Variants in SLC25A17 observed in about 807,000 individuals in gnomAD.
SLC25A17 encodes solute carrier family 25 member 17.
A neutral mutation model predicts 38.5 loss-of-function variants in SLC25A17; 26 were observed. The observed-to-expected ratio is 0.68, with a 90% CI of 0.50 to 0.94. The LOEUF is 0.94. Ranked by LOEUF, SLC25A17 falls within the 40% of genes least tolerant of loss-of-function variation. The probability of loss-of-function intolerance (pLI) is 0.00; values close to 1 mark genes in which losing one functional copy is unlikely to be tolerated. For missense variants in SLC25A17, 333 were observed against 372.7 expected (o/e 0.89, Z 0.88); for synonymous variants, 139 against 136.2 (o/e 1.02, Z -0.14).
At position 40,779,039 on chromosome 22, in the gene SLC25A17, T is replaced by C; in HGVS notation, c.421A>G (p.Ile141Val). The change falls in exon 5 of 9, where the codon ATT (isoleucine) becomes GTT (valine). Residue 141 changes from isoleucine to valine, a missense_variant. By Grantham distance (29) the Ile-to-Val change is conservative (BLOSUM62 3). Coordinates refer to ENST00000435456, the MANE Select transcript of SLC25A17 (RefSeq NM_006358.4). ...LQGAKFRNEDIVPTNYKGIID... is the reference protein window; with the variant it reads ...LQGAKFRNEDVVPTNYKGIID... ...ATACCTTTGTAGTTTGTTGGTACAATGTCTTCATTCCTAAATTTTGCTCCT... is the reference window on the plus strand; with the variant it reads ...ATACCTTTGTAGTTTGTTGGTACAACGTCTTCATTCCTAAATTTTGCTCCT... The C allele has an allele frequency of 1.9e-6, 3 of 1,614,144 alleles. No individual in the cohort carries two copies. Among genetic ancestry groups the C allele is most frequent in the Non-Finnish European group, 2.5e-6 (3 of 1,179,988 alleles).
intron 4 of SLC25A17, among the ~76,000 whole-genome samples, chr22:40,780,866 A>G (rs1378024180): frequency 6.6e-6 from 1 of 152,176 alleles, no homozygotes; most frequent in East Asian, 1.9e-4. Flanking sequence ...AGATCTAACC[A>G]TTCTTTAAAA....
chr22:40,792,821 C>G (rs1415411611), intron 3 of SLC25A17, 145 bp from the exon 4 acceptor site: 5 of 628,054 alleles, frequency 8.0e-6, no homozygotes, highest in Non-Finnish European at 1.3e-5. Flanking sequence ...TGTACACACA[C>G]CTCACATTCT....
At position 40,770,815 on chromosome 22, in the gene SLC25A17, T is replaced by C. The variant is rs147802342; in HGVS notation, c.*19A>G. 3.3e-4 allele frequency: 520 copies of C among 1,585,884 alleles called. 7 individuals are homozygous for C. In the East Asian group the frequency reaches 0.011, roughly 35 times the overall value. On this transcript the variant is annotated 3_prime_UTR_variant, in exon 9 of 9. Transcript: ENST00000435456. ...ACCTCCCTCTTGAGCATCTTCGGAA[T>C]TTTTCATGGGAAGGCGTCTCAGTGT...
At chr22:40,787,628 A>G (rs1337934070) in intron 4 of SLC25A17, among the ~76,000 whole-genome samples, 1 of 152,162 alleles carries the variant, frequency 6.6e-6, no homozygotes, top group African/African-American at 2.4e-5. Context: ...CAGATACTGA[A>G]AGCTTTTAAG....
rs200817852 is a variant in SLC25A17 at position 40,773,980 on chromosome 22, C to T, written c.733G>A (p.Gly245Arg). ...HRLNPENRTL[G>R]SLRNILYLLH... is the part of the protein sequence containing the mutation. Reference sequence around the variant, plus strand: ...AGATAGAGAATATTCCGAAGACTTCCCAATGTTCTGTTTTCTGGGTTTAGT... The same window carrying T: ...AGATAGAGAATATTCCGAAGACTTCTCAATGTTCTGTTTTCTGGGTTTAGT... Residue 245 changes from glycine (G) to arginine (R), a missense_variant, in exon 8 of 9, where the codon GGA (glycine) becomes AGA (arginine). Coordinates refer to ENST00000435456, the MANE Select transcript of SLC25A17 (RefSeq NM_006358.4). 1.5e-4 allele frequency: 242 copies of T among 1,613,362 alleles called. No individual in the cohort carries two copies. The highest frequency in any genetic ancestry group is 2.0e-4 in the Non-Finnish European group (231 of 1,179,492).
chr22:40,784,984 CT>C lies in SLC25A17; in HGVS notation c.335-5860del, dbSNP rs141634834. Reference sequence around the variant, plus strand: ...CCTCACTTCTGACTTCTATATGTCACTTTCCTTTTTCTGTCCATAAATATTC... The same window carrying C: ...CCTCACTTCTGACTTCTATATGTCACTTCCTTTTTCTGTCCATAAATATTC... On this transcript the variant is annotated intron_variant, in intron 4 of 8. Transcript: ENST00000435456. Among the ~76,000 whole-genome samples, 968 of 152,198 alleles carry C rather than the reference CT, an allele frequency of 6.4e-3. 11 individuals carry two copies. Among genetic ancestry groups the C allele is most frequent in the African/African-American group, 0.023 (946 of 41,524 alleles).
At chr22:40,796,342 T>A (rs2057429226) in intron 2 of SLC25A17, among the ~76,000 whole-genome samples, 2 of 152,052 alleles carry the variant, frequency 1.3e-5, no homozygotes, top group African/African-American at 2.4e-5. Flanking sequence ...CAAACTCCTA[T>A]AGAAGGCAAT....
At chr22:40,794,609 T>C in intron 2 of SLC25A17, 29 bp from the exon 3 acceptor site, 2 of 1,495,410 alleles carry the variant, frequency 1.3e-6, no homozygotes, top group Non-Finnish European at 1.8e-6. Context: ...CATGTTTATT[T>C]TATTAATTAA....
intron 1 of SLC25A17, among the ~76,000 whole-genome samples, chr22:40,804,063 G>T (rs2145694582): frequency 6.6e-6 from 1 of 152,166 alleles, no homozygotes; most frequent in Admixed American, 6.5e-5. Flanking sequence ...ACTGACACAG[G>T]CACACTGGGT....
At chr22:40,802,841 G>A (rs1830760726) in intron 1 of SLC25A17, among the ~76,000 whole-genome samples, 1 of 152,116 alleles carries the variant, frequency 6.6e-6, no homozygotes, top group African/African-American at 2.4e-5. Context: ...TGGTAGATGA[G>A]AATTAAAAGA....
intron 4 of SLC25A17, among the ~76,000 whole-genome samples, chr22:40,788,190 C>T (rs1217651733): frequency 2.6e-5 from 4 of 152,162 alleles, no homozygotes; most frequent in East Asian, 1.9e-4. Context: ...CATACTTATA[C>T]GCATGTAATA....
intron 1 of SLC25A17, among the ~76,000 whole-genome samples, chr22:40,809,257 C>T (rs1238623688): frequency 2.6e-5 from 4 of 151,510 alleles, no homozygotes; most frequent in Admixed American, 2.0e-4. Context: ...TTTGGGAGGG[C>T]GAGGTAGGAA....
chr22:40,775,496 G>A (rs1193918180), intron 7 of SLC25A17, among the ~76,000 whole-genome samples: 1 of 123,920 alleles, frequency 8.1e-6, no homozygotes, highest in Non-Finnish European at 1.6e-5. Context: ...TCGCTCTGTC[G>A]CCCAGGCCGG....
intron 4 of SLC25A17, among the ~76,000 whole-genome samples, chr22:40,781,496 C>T (rs3888466): frequency 0.28 from 43,122 of 151,880 alleles, 7,278 homozygotes; most frequent in East Asian, 0.65. Flanking sequence ...CCGCCCGCCT[C>T]GGCCTCTCAA....
At chr22:40,797,348 A>G in intron 2 of SLC25A17, 1 of 1,294,752 alleles carries the variant, frequency 7.7e-7, no homozygotes, top group Non-Finnish European at 1.0e-6. Context: ...TGAGGAAAAA[A>G]CAAGCAAGAA....
At chr22:40,806,560 G>T (rs2057531887) in intron 1 of SLC25A17, among the ~76,000 whole-genome samples, 1 of 151,548 alleles carries the variant, frequency 6.6e-6, no homozygotes, top group Non-Finnish European at 1.5e-5. Context: ...TTTTTTGCCA[G>T]TCTAATTGCT....
intron 7 of SLC25A17, among the ~76,000 whole-genome samples, chr22:40,776,808 C>T (rs1415224145): frequency 2.0e-5 from 3 of 151,918 alleles, no homozygotes. Flanking sequence ...GGCAGGAGGA[C>T]TGCTTGAACC....
Position 40,775,436 on chromosome 22 carries a change from GTTTTTTTTTTTTTTTT to G in SLC25A17, c.694-1433_694-1418del, listed in dbSNP as rs71200615. ...TGAATAAGTCTCATGAGATCTGATG[GTTTTTTTTTTTTTTTT>G]TTTTTTTTTTTTTTTTTTTTTTGAG... On this transcript the variant is annotated intron_variant, in intron 7 of 8. Coordinates refer to ENST00000435456, the MANE Select transcript of SLC25A17 (RefSeq NM_006358.4). 1.2e-3 allele frequency among the ~76,000 whole-genome samples: 100 copies of G among 86,848 alleles called. 1 individual carries two copies. Among genetic ancestry groups the G allele is most frequent in the Middle Eastern group, 0.013 (2 of 150 alleles). The allele number at this position is 86,848 out of a possible 152,430, so 57.0% of individuals were successfully genotyped here. A position where few individuals can be genotyped will look rare whatever the true frequency, so the allele number is the denominator to read the frequency against.
At chr22:40,772,015 A>AT (rs1024670444) in intron 8 of SLC25A17, among the ~76,000 whole-genome samples, 4 of 150,254 alleles carry the variant, frequency 2.7e-5, no homozygotes, top group African/African-American at 1.0e-4. Context: ...AAATTAAAAA[A>AT]TTAAAAAAAA....
Sources: gnomAD v4.1 joint callset for allele counts (sites outside exome capture counted in the v4.1 genomes callset) on GRCh38, gnomAD v4.1.1 for gene constraint, MANE v1.5 for transcripts, NCBI Gene and HGNC (gene_info 2026-07-23, HGNC 2026-07-21) for gene names.